Variants in P2RX7 observed in about 807,000 individuals in gnomAD.
The protein encoded by P2RX7 is P2X purinoceptor 7.
P2RX7 carries 62 observed loss-of-function variants against 71.6 expected under a neutral mutation model. That is an observed-to-expected ratio of 0.87 (90% CI 0.71 to 1.07). The LOEUF is 1.07. P2RX7 is among the 50% of genes least tolerant of loss of function. P2RX7 has a pLI of 0.00. For missense variants in P2RX7, 686 were observed against 748.5 expected, an observed-to-expected ratio of 0.92 and a Z score of 0.97; for synonymous variants, 299 against 283.3, an observed-to-expected ratio of 1.06 and a Z score of -0.56.
intron 1 of P2RX7, among the ~76,000 whole-genome samples, chr12:121,136,023 A>AAAAAAAAAAAAAAAAATAT: frequency 6.6e-5 from 1 of 15,256 alleles, no homozygotes; most frequent in Admixed American, 1.7e-3. Context: ...AAAAAAAAAA[A>AAAAAAAAAAAAAAAAATAT]ATATATATAT....
chr12:121,158,440 C>T (rs968665883), intron 3 of P2RX7, among the ~76,000 whole-genome samples: 7 of 152,166 alleles, frequency 4.6e-5, no homozygotes, highest in South Asian at 2.1e-4. Flanking sequence ...AAGGTCTGTC[C>T]GCATTGTCTC....
In P2RX7 at chr12:121,184,885, G is replaced by A; in HGVS notation, c.*83G>A. ...AGATCACCTGAGGTCGGGAGTTGGA[G>A]ACCCGCCTGGCTAACAAGGCGAAAT... is the stretch of plus-strand genomic sequence containing the variant. On this transcript the variant is annotated 3_prime_UTR_variant, in exon 13 of 13. Transcript: ENST00000328963. The A allele has an allele frequency of 8.9e-7, 1 of 1,118,570 alleles. No individual in the cohort carries two copies. The highest frequency in any genetic ancestry group is 1.3e-6 in the Non-Finnish European group (1 of 795,042). The allele number at this position is 1,118,570 out of a possible 1,614,324, so 69.3% of individuals were successfully genotyped here.
At chr12:121,155,178 T>C in intron 2 of P2RX7, 1 of 1,490,988 alleles carries the variant, frequency 6.7e-7, no homozygotes, top group Non-Finnish European at 8.9e-7. Context: ...CAAAATAGCC[T>C]CATGTCCTGG....
intron 1 of P2RX7, among the ~76,000 whole-genome samples, chr12:121,136,630 C>CTTT (rs1873741013): frequency 6.7e-6 from 1 of 149,106 alleles, no homozygotes; most frequent in Non-Finnish European, 1.5e-5. Context: ...CCTACAATTC[C>CTTT]TTTTCTTTCT....
At chr12:121,136,024 A>AAAAAAAAAAAAAATATATATG (rs1555222075) in intron 1 of P2RX7, among the ~76,000 whole-genome samples, 1 of 11,668 alleles carries the variant, frequency 8.6e-5, no homozygotes, top group African/African-American at 1.1e-4. Flanking sequence ...AAAAAAAAAA[A>AAAAAAAAAAAAAATATATATG]TATATATATA....
intron 3 of P2RX7, among the ~76,000 whole-genome samples, chr12:121,157,459 C>T (rs1317985927): frequency 6.6e-6 from 1 of 152,136 alleles, no homozygotes; most frequent in Non-Finnish European, 1.5e-5. Context: ...CCTCATCACC[C>T]CTTAACTGTC....
At chr12:121,146,790 A>T (rs2136011657) in intron 1 of P2RX7, among the ~76,000 whole-genome samples, 1 of 152,350 alleles carries the variant, frequency 6.6e-6, no homozygotes, top group East Asian at 1.9e-4. Flanking sequence ...ATGGACAGAC[A>T]GTGAGCACAG....
intron 1 of P2RX7, among the ~76,000 whole-genome samples, chr12:121,136,082 ATTTTTATATATTTATAT>A (rs1176142091): frequency 2.2e-5 from 3 of 134,604 alleles, no homozygotes; most frequent in African/African-American, 8.0e-5. Context: ...TCTCTTATAT[ATTTTTATATATTTATAT>A]TTTTTATATA....
chr12:121,147,472 G>A (rs534996242), intron 1 of P2RX7, among the ~76,000 whole-genome samples: 1 of 152,238 alleles, frequency 6.6e-6, no homozygotes, highest in East Asian at 1.9e-4. Flanking sequence ...ATTGAACAAA[G>A]GTTCCAGTAA....
At chr12:121,133,914 G>A (rs1467923219) in intron 1 of P2RX7, among the ~76,000 whole-genome samples, 5 of 152,060 alleles carry the variant, frequency 3.3e-5, no homozygotes, top group Admixed American at 2.0e-4. Flanking sequence ...TAAAGAGACG[G>A]GGTCTCACTA....
chr12:121,176,752 A>AG (rs1270574724), intron 9 of P2RX7, among the ~76,000 whole-genome samples: 1 of 91,718 alleles, frequency 1.1e-5, no homozygotes, highest in Non-Finnish European at 2.4e-5. Context: ...ACTCTGTCTC[A>AG]AAAAAAAAAA....
At chr12:121,150,110 T>C (rs928349686) in intron 1 of P2RX7, among the ~76,000 whole-genome samples, 2 of 152,194 alleles carry the variant, frequency 1.3e-5, no homozygotes, top group African/African-American at 2.4e-5. Context: ...ATTTCTGGGA[T>C]GGTCATTAGC....
chr12:121,182,031 T>G (rs66850672), intron 12 of P2RX7, among the ~76,000 whole-genome samples: 1 of 149,988 alleles, frequency 6.7e-6, no homozygotes, highest in African/African-American at 2.5e-5. Context: ...ACCTCTGCAC[T>G]CTAGCCTGGG....
chr12:121,138,547 C>G (rs547642948), intron 1 of P2RX7, among the ~76,000 whole-genome samples: 7 of 152,360 alleles, frequency 4.6e-5, no homozygotes, highest in African/African-American at 1.7e-4. Context: ...GTGAGCCCTA[C>G]GTGAACCACA....
At chr12:121,152,406 A>G (rs543845066) in intron 1 of P2RX7, among the ~76,000 whole-genome samples, 2 of 152,242 alleles carry the variant, frequency 1.3e-5, no homozygotes, top group South Asian at 2.1e-4. Flanking sequence ...ACAGCTTACT[A>G]TAGCCTTGAC....
At chr12:121,139,034 C>T (rs1390423429) in intron 1 of P2RX7, among the ~76,000 whole-genome samples, 3 of 152,126 alleles carry the variant, frequency 2.0e-5, no homozygotes, top group Non-Finnish European at 4.4e-5. Flanking sequence ...CTCGACCTCC[C>T]GGGTTCAGGT....
intron 12 of P2RX7, 82 bp downstream of exon 12, chr12:121,180,537 T>C: frequency 1.6e-6 from 1 of 639,408 alleles, no homozygotes; most frequent in South Asian, 2.3e-5. Flanking sequence ...CTTGTACAAA[T>C]CAAAACTGAT....
intron 1 of P2RX7, among the ~76,000 whole-genome samples, chr12:121,148,056 TAAC>T (rs1343797117): frequency 2.6e-5 from 4 of 152,080 alleles, no homozygotes; most frequent in Non-Finnish European, 4.4e-5. Flanking sequence ...TGAACAAAAA[TAAC>T]AAGTTACAAA....
chr12:121,146,609 A>G (rs1022175383), intron 1 of P2RX7, among the ~76,000 whole-genome samples: 4 of 152,130 alleles, frequency 2.6e-5, no homozygotes, highest in African/African-American at 9.7e-5. Context: ...CTGAAGAGGC[A>G]GTGTGCACAC....
Sources: gnomAD v4.1 joint callset for allele counts (sites outside exome capture counted in the v4.1 genomes callset) on GRCh38, gnomAD v4.1.1 for gene constraint, MANE v1.5 for transcripts, NCBI Gene and HGNC (gene_info 2026-07-23, HGNC 2026-07-21) for gene names.